COMMD2: variants seen among roughly 807,000 people sequenced by gnomAD.
The protein encoded by COMMD2 is COMM domain-containing protein 2.
In COMMD2, 25 loss-of-function variants were observed where a neutral mutation model predicts 22.5. The ratio of observed to expected loss-of-function variants is 1.11; its 90% CI spans 0.81 to 1.55. The LOEUF (loss-of-function observed/expected upper bound fraction) is 1.55, where lower values mean the gene tolerates loss of function less well. Among genes scored for constraint, COMMD2 ranks in the 40% most tolerant of loss-of-function variants. COMMD2 has a pLI of 0.00. For missense variants in COMMD2, 223 were observed against 232.9 expected (o/e 0.96, Z 0.28); for synonymous variants, 98 against 91.2 (o/e 1.07, Z -0.42).
intron 4 of COMMD2, among the ~76,000 whole-genome samples, chr3:149,745,683 A>T (rs1716348157): frequency 6.6e-6 from 1 of 152,158 alleles, no homozygotes; most frequent in Admixed American, 6.5e-5. Flanking sequence ...GACATAAGAA[A>T]TTATCTTTTT....
At position 149,740,629 on chromosome 3, in the gene COMMD2, C is replaced by T. The variant is rs1716186173; in HGVS notation, c.*892G>A. On this transcript the variant is annotated 3_prime_UTR_variant, in exon 5 of 5. Coordinates refer to ENST00000473414, the MANE Select transcript of COMMD2 (RefSeq NM_016094.4). ...TATACAAAGAAAAATGAATAAACTG[C>T]CTATAACAATATAGCATTAAAAATC... 1 of 152,086 alleles carries T rather than the reference C, an allele frequency of 6.6e-6. No individual in the cohort carries two copies. Among genetic ancestry groups the T allele is most frequent in the African/African-American group, 2.4e-5 (1 of 41,396 alleles). 9.4% of individuals were successfully genotyped at this position (152,086 alleles called of 1,614,324 possible).
intron 4 of COMMD2, among the ~76,000 whole-genome samples, chr3:149,747,276 A>G (rs1252577063): frequency 6.6e-6 from 1 of 152,234 alleles, no homozygotes; most frequent in Admixed American, 6.5e-5. Context: ...AAGACTTCAA[A>G]TTGGATGAAA....
At chr3:149,751,251 TTTTA>T in intron 3 of COMMD2, 148 bp downstream of exon 3, 4 of 1,232,966 alleles carry the variant, frequency 3.2e-6, no homozygotes, top group Non-Finnish European at 4.4e-6. Context: ...ATGATATGAT[TTTTA>T]TTTTTTAGGT....
chr3:149,749,487 CTGA>C (rs1331704477), intron 4 of COMMD2, among the ~76,000 whole-genome samples: 2 of 152,178 alleles, frequency 1.3e-5, no homozygotes, highest in Non-Finnish European at 2.9e-5. Context: ...TTAAAAAATC[CTGA>C]TGCTCAGGCT....
intron 4 of COMMD2, among the ~76,000 whole-genome samples, chr3:149,745,372 T>C (rs965457710): frequency 2.6e-5 from 4 of 152,092 alleles, no homozygotes; most frequent in African/African-American, 9.7e-5. Context: ...CACTGATTCA[T>C]GCCTATTATA....
At chr3:149,748,657 A>C (rs977163780) in intron 4 of COMMD2, among the ~76,000 whole-genome samples, 5 of 152,238 alleles carry the variant, frequency 3.3e-5, no homozygotes, top group African/African-American at 1.2e-4. Context: ...TTTACAGACC[A>C]TACAGTTTCT....
chr3:149,743,158 C>T (rs1427447243), intron 4 of COMMD2, among the ~76,000 whole-genome samples: 5 of 151,868 alleles, frequency 3.3e-5, no homozygotes, highest in African/African-American at 1.2e-4. Flanking sequence ...AACTGGGTAT[C>T]TATAACCTTT....
Position 149,741,230 on chromosome 3 carries a change from C to T in COMMD2, c.*291G>A, listed in dbSNP as rs576621340. The T allele has an allele frequency of 1.5e-4, 43 of 289,320 alleles. No homozygotes were observed. In the South Asian group the frequency reaches 1.6e-3, roughly 11 times the overall value. 17.9% of individuals were successfully genotyped at this position (289,320 alleles called of 1,614,324 possible). On this transcript the variant is annotated 3_prime_UTR_variant, in exon 5 of 5. Transcript: ENST00000473414. ...GATAGATGCGTGCCACCACACCTGGCTAATTTTTTATATTTTTAGTAGAGA... is the reference window on the plus strand; with the variant it reads ...GATAGATGCGTGCCACCACACCTGGTTAATTTTTTATATTTTTAGTAGAGA...
Position 149,739,637 on chromosome 3 carries a change from T to C in COMMD2, c.*1884A>G, listed in dbSNP as rs1576656672. 2.0e-5 allele frequency: 3 copies of C among 152,220 alleles called. No homozygotes were observed. In the East Asian group the frequency reaches 5.8e-4, roughly 29 times the overall value. 9.4% of individuals were successfully genotyped at this position (152,220 alleles called of 1,614,324 possible). On this transcript the variant is annotated 3_prime_UTR_variant, in exon 5 of 5. Transcript: ENST00000473414. The stretch of plus-strand genomic sequence containing the variant: ...AGCCATGTTTACCTTCCATCGAAGG[T>C]GGACAAATAAAAACCCTTACAGAGG...
chr3:149,743,350 T>C (rs1178793712), intron 4 of COMMD2, among the ~76,000 whole-genome samples: 1 of 152,156 alleles, frequency 6.6e-6, no homozygotes, highest in Non-Finnish European at 1.5e-5. Flanking sequence ...AGAGAAACTG[T>C]ACAAGATGAG....
Position 149,741,646 on chromosome 3 carries a change from C to T in COMMD2, c.475G>A (p.Asp159Asn), listed in dbSNP as rs1208525432. 1 of 1,613,920 alleles carries T rather than the reference C, an allele frequency of 6.2e-7. No homozygotes were observed. Among genetic ancestry groups the T allele is most frequent in the Admixed American group, 1.7e-5 (1 of 60,004 alleles). ...GTCTGCAGAACTTTGGTGTTGTGATCTCCATTTTGATTAAGGTGTAGCTTT... is the reference window on the plus strand; with the variant it reads ...GTCTGCAGAACTTTGGTGTTGTGATTTCCATTTTGATTAAGGTGTAGCTTT... ...TIKLHLNQNG[D>N]HNTKVLQTDP... The change falls in exon 5 of 5, where the codon GAT becomes AAT. Residue 159 changes from aspartate to asparagine, a missense_variant. Asp to Asn is a conservative substitution (Grantham distance 23, BLOSUM62 1). Transcript: ENST00000473414.
rs1250131547 is a variant in COMMD2 at position 149,751,296 on chromosome 3, A to T, written c.228+107T>A. ...TTCAAAAAATCAATTATAAACCATTAACAACATTATTAAAACACACAGGTA... is the reference window on the plus strand; with the variant it reads ...TTCAAAAAATCAATTATAAACCATTTACAACATTATTAAAACACACAGGTA... On this transcript the variant is annotated intron_variant, in intron 3 of 4. Transcript: ENST00000473414. The T allele has an allele frequency of 1.3e-5, 20 of 1,535,860 alleles. No homozygotes were observed. In the Admixed American group the frequency reaches 4.2e-4, roughly 33 times the overall value.
At chr3:149,750,365 C>T (rs1283826179) in intron 4 of COMMD2, 2 of 465,340 alleles carry the variant, frequency 4.3e-6, no homozygotes, top group Non-Finnish European at 8.5e-6. Flanking sequence ...GTACATTGAC[C>T]TGTGCACTTT....
intron 4 of COMMD2, among the ~76,000 whole-genome samples, chr3:149,743,751 T>C (rs566215719): frequency 2.6e-5 from 4 of 152,286 alleles, no homozygotes; most frequent in African/African-American, 9.6e-5. Flanking sequence ...ATTATATATA[T>C]GATAATTGAA....
intron 4 of COMMD2, among the ~76,000 whole-genome samples, chr3:149,748,442 C>CA (rs908134971): frequency 1.3e-5 from 2 of 151,826 alleles, no homozygotes; most frequent in Non-Finnish European, 2.9e-5. Flanking sequence ...TTTAGTAAAA[C>CA]AAAAAACAAA....
In COMMD2 at chr3:149,741,361, C is replaced by A. The variant is rs1716218269; in HGVS notation, c.*160G>T. On this transcript the variant is annotated 3_prime_UTR_variant, in exon 5 of 5. Transcript: ENST00000473414. ...GATAACTGGCATGAGCCACTGCACC[C>A]AGCTTAGCTTCTGATTATGACCTCA... 2 of 664,368 alleles carry A rather than the reference C, an allele frequency of 3.0e-6. No individual in the cohort carries two copies. Among genetic ancestry groups the A allele is most frequent in the African/African-American group, 1.8e-5 (1 of 54,796 alleles). The allele number at this position is 664,368 out of a possible 1,614,324, so 41.2% of individuals were successfully genotyped here. A position where few individuals can be genotyped will look rare whatever the true frequency, so the allele number is the denominator to read the frequency against.
rs201913747 is a variant in COMMD2, at chr3:149,752,210, T to C, written c.145A>G (p.Arg49Gly). The change falls in exon 2 of 5, where the codon AGA becomes GGA. Residue 49 changes from arginine to glycine, a missense_variant and splice_region_variant. Arg to Gly is a moderately radical substitution (Grantham distance 125, BLOSUM62 -2). Transcript: ENST00000473414. ...ANPKIYEGAA[R>G]KLNVSSDTVQ... ...GGAGCCTTCCCCTTTCCCTTCTTAC[T>C]GGCGGCGCCTTCGTAGATTTTTGGG... The C allele has an allele frequency of 6.0e-5, 97 of 1,613,742 alleles. No individual in the cohort carries two copies. The African/African-American group carries it at 1.1e-3, about 18-fold the overall frequency.
In COMMD2 at chr3:149,740,468, T is replaced by C. The variant is rs1180454228; in HGVS notation, c.*1053A>G. On this transcript the variant is annotated 3_prime_UTR_variant, in exon 5 of 5. Transcript: ENST00000473414. ...TAAATGTAAATGACAGAGTGTCTCC[T>C]AGATGCTTTGGGTATGGTGGAAGAA... The C allele has an allele frequency of 1.3e-5, 2 of 152,236 alleles. No individual in the cohort carries two copies. Among genetic ancestry groups the C allele is most frequent in the Non-Finnish European group, 2.9e-5 (2 of 68,038 alleles). 9.4% of individuals were successfully genotyped at this position (152,236 alleles called of 1,614,324 possible).
In COMMD2 at chr3:149,740,541, A is replaced by G. The variant is rs1323072234; in HGVS notation, c.*980T>C. On this transcript the variant is annotated 3_prime_UTR_variant, in exon 5 of 5. Transcript: ENST00000473414. ...ATACGACCACACAAATTTGAGTACT[A>G]TTTAAGCCAATTAATTAACCATGAT... is the stretch of plus-strand genomic sequence containing the variant. The G allele has an allele frequency of 6.6e-5, 10 of 152,316 alleles. No individual in the cohort carries two copies. The South Asian group carries it at 2.1e-3, about 32-fold the overall frequency. 9.4% of individuals were successfully genotyped at this position (152,316 alleles called of 1,614,324 possible).
Sources: gnomAD v4.1 joint callset for allele counts (sites outside exome capture counted in the v4.1 genomes callset) on GRCh38, gnomAD v4.1.1 for gene constraint, MANE v1.5 for transcripts, NCBI Gene and HGNC (gene_info 2026-07-23, HGNC 2026-07-21) for gene names.